TMEM243: variants seen among roughly 807,000 people sequenced by gnomAD.
TMEM243 encodes transmembrane protein 243, also known as MDR1 and mitochondrial taxol resistance associated.
In TMEM243, 20 loss-of-function variants were observed where a neutral mutation model predicts 15.0. That is an observed-to-expected ratio of 1.33 (90% CI 0.94 to 1.93). The LOEUF (loss-of-function observed/expected upper bound fraction) is 1.93, where lower values mean the gene tolerates loss of function less well. Among genes scored for constraint, TMEM243 ranks in the 30% most tolerant of loss-of-function variants. The probability of loss-of-function intolerance (pLI) is 0.00; values close to 1 mark genes in which losing one functional copy is unlikely to be tolerated. For synonymous variants in TMEM243, 72 were observed against 52.7 expected, an observed-to-expected ratio of 1.37 and a Z score of -1.59; for missense variants, 156 against 142.1, an observed-to-expected ratio of 1.10 and a Z score of -0.50.
intron 1 of TMEM243, among the ~76,000 whole-genome samples, chr7:87,218,870 CTAGAATAACGTATGGTAGCCTGTTCAGGT>C (rs894458187): frequency 3.9e-5 from 6 of 152,136 alleles, no homozygotes; most frequent in Admixed American, 2.0e-4. Context: ...ATTTTAAAGC[CTAGAATAACGTATGGTAGCCTGTTCAGGT>C]TCAGGGACCC....
At chr7:87,209,866 GC>G (rs1802605603) in intron 1 of TMEM243, among the ~76,000 whole-genome samples, 1 of 143,728 alleles carries the variant, frequency 7.0e-6, no homozygotes, top group Non-Finnish European at 1.5e-5. Context: ...GAGAGAGAGA[GC>G]AAGAGACAGT....
At chr7:87,210,352 C>G (rs1802656376) in intron 1 of TMEM243, among the ~76,000 whole-genome samples, 1 of 152,152 alleles carries the variant, frequency 6.6e-6, no homozygotes, top group African/African-American at 2.4e-5. Context: ...CATGCCTTCC[C>G]AACAGTCCCC....
At position 87,196,622 on chromosome 7, in the gene TMEM243, TCTC is replaced by T. The variant is rs571553600; in HGVS notation, c.*11_*13del. 37 of 1,607,260 alleles carry T rather than the reference TCTC, an allele frequency of 2.3e-5. No individual in the cohort carries two copies. In the East Asian group the frequency reaches 3.6e-4, roughly 16 times the overall value. On this transcript the variant is annotated 3_prime_UTR_variant, in exon 4 of 4. Transcript: ENST00000257637. ...ATTTTGAAGAGTCCTGGTAAGTACT[TCTC>T]CTTGGCAGCCTCACCTTCCCACATC...
At chr7:87,220,025 G>T (rs780309910), upstream of TMEM243, among the ~76,000 whole-genome samples, 50 of 152,220 alleles carry the variant, frequency 3.3e-4, no homozygotes, top group Non-Finnish European at 4.9e-4. Flanking sequence ...AGTTTTCTTG[G>T]AAGAACGCAT....
Position 87,198,896 on chromosome 7 carries a change from GT to G in TMEM243, c.129+110del. The G allele has an allele frequency of 1.3e-5, 12 of 945,238 alleles. No individual in the cohort carries two copies. The South Asian group carries it at 2.1e-4, about 16-fold the overall frequency. The allele number at this position is 945,238 out of a possible 1,614,324, so 58.6% of individuals were successfully genotyped here. ...TCCAATTAGCAACTGCAATTTTGTG[GT>G]AATAAAATTAAAAGCACTTATTTAG... On this transcript the variant is annotated intron_variant, in intron 2 of 3. Coordinates refer to ENST00000257637, the MANE Select transcript of TMEM243 (RefSeq NM_024315.4).
chr7:87,201,210 A>G (rs934316722), intron 1 of TMEM243, among the ~76,000 whole-genome samples: 1 of 152,220 alleles, frequency 6.6e-6, no homozygotes, highest in African/African-American at 2.4e-5. Context: ...AAGGCCTTCT[A>G]TCAACCATGA....
rs184816375 is a variant in TMEM243 at position 87,205,967 on chromosome 7, G to A, written c.79-6910C>T. Among the ~76,000 whole-genome samples the A allele has an allele frequency of 4.1e-3, 627 of 152,234 alleles. 11 individuals are homozygous for A. Among genetic ancestry groups the A allele is most frequent in the Non-Finnish European group, 1.0e-3 (71 of 68,024 alleles). ...ACACTGCTGATAAAGACATACCTGAGACTGGGTAATTTATAAAGAAAAAGA... is the reference window on the plus strand; with the variant it reads ...ACACTGCTGATAAAGACATACCTGAAACTGGGTAATTTATAAAGAAAAAGA... On this transcript the variant is annotated intron_variant, in intron 1 of 3. Transcript: ENST00000257637.
At chr7:87,219,261 G>A (rs981822880) in intron 1 of TMEM243, among the ~76,000 whole-genome samples, 165 bp downstream of exon 1, 1 of 152,164 alleles carries the variant, frequency 6.6e-6, no homozygotes, top group Non-Finnish European at 1.5e-5. Context: ...CAAAGCAGGC[G>A]ACGATTGGCC....
chr7:87,213,471 A>C (rs1802899509), intron 1 of TMEM243, among the ~76,000 whole-genome samples: 1 of 152,242 alleles, frequency 6.6e-6, no homozygotes, highest in Non-Finnish European at 1.5e-5. Context: ...CTCTATCTAG[A>C]GGAAATAAAC....
At chr7:87,218,323 C>G (rs563119708) in intron 1 of TMEM243, among the ~76,000 whole-genome samples, 3 of 152,162 alleles carry the variant, frequency 2.0e-5, no homozygotes, top group Non-Finnish European at 4.4e-5. Flanking sequence ...TCCTGGAGAT[C>G]GAGTTTAAAA....
chr7:87,217,630 G>A (rs1040170307), intron 1 of TMEM243, among the ~76,000 whole-genome samples: 2 of 152,128 alleles, frequency 1.3e-5, no homozygotes, highest in Non-Finnish European at 2.9e-5. Flanking sequence ...CTTCACAGAG[G>A]GAGCTAAAGG....
chr7:87,218,881 TATGGTAGCCTGTTCAGGTTC>T (rs1803290574), intron 1 of TMEM243, among the ~76,000 whole-genome samples: 1 of 152,138 alleles, frequency 6.6e-6, no homozygotes, highest in Non-Finnish European at 1.5e-5. Context: ...TAGAATAACG[TATGGTAGCCTGTTCAGGTTC>T]AGGGACCCCT....
chr7:87,212,298 A>G (rs1802809901), intron 1 of TMEM243, among the ~76,000 whole-genome samples: 1 of 152,162 alleles, frequency 6.6e-6, no homozygotes, highest in Non-Finnish European at 1.5e-5. Context: ...CCTGGCCCCA[A>G]TTTCTATGGC....
chr7:87,197,740 C>G, intron 3 of TMEM243: 46 of 366,218 alleles, frequency 1.3e-4, no homozygotes, highest in Admixed American at 2.0e-4. Flanking sequence ...AGTGGAATTT[C>G]TCTTTGGGGT....
chr7:87,211,238 T>C (rs911349909), intron 1 of TMEM243, among the ~76,000 whole-genome samples: 19 of 152,208 alleles, frequency 1.2e-4, no homozygotes, highest in Non-Finnish European at 1.3e-4. Context: ...CCAGGCACTT[T>C]GTTCTTCCTT....
In TMEM243 at chr7:87,196,544, A is replaced by C; in HGVS notation, c.*92T>G. On this transcript the variant is annotated 3_prime_UTR_variant, in exon 4 of 4. Coordinates refer to ENST00000257637, the MANE Select transcript of TMEM243 (RefSeq NM_024315.4). ...TGAAAATCATGTATCAGACTTCTGC[A>C]GGAGATTCTTCAGCATACCTTATCC... 2 of 1,234,268 alleles carry C rather than the reference A, an allele frequency of 1.6e-6. No homozygotes were observed. Among genetic ancestry groups the C allele is most frequent in the Non-Finnish European group, 2.3e-6 (2 of 878,138 alleles). The allele number at this position is 1,234,268 out of a possible 1,614,324, so 76.5% of individuals were successfully genotyped here.
At chr7:87,219,328 G>A in intron 1 of TMEM243, 98 bp downstream of exon 1, 1 of 1,152,062 alleles carries the variant, frequency 8.7e-7, no homozygotes, top group Non-Finnish European at 1.3e-6. Flanking sequence ...CCCTAAAAGT[G>A]CTTTTAGGAG....
At chr7:87,204,314 T>C (rs897162147) in intron 1 of TMEM243, among the ~76,000 whole-genome samples, 1 of 152,126 alleles carries the variant, frequency 6.6e-6, no homozygotes, top group East Asian at 1.9e-4. Flanking sequence ...CACAATTTCA[T>C]CCCTGGCCCC....
chr7:87,219,653 G>C lies in TMEM243; in HGVS notation c.-150C>G. 1 of 669,266 alleles carries C rather than the reference G, an allele frequency of 1.5e-6. No individual in the cohort carries two copies. Among genetic ancestry groups the C allele is most frequent in the South Asian group, 1.8e-5 (1 of 54,596 alleles). The allele number at this position is 669,266 out of a possible 1,614,324, so 41.5% of individuals were successfully genotyped here. On this transcript the variant is annotated 5_prime_UTR_variant, in exon 1 of 4. Coordinates refer to ENST00000257637, the MANE Select transcript of TMEM243 (RefSeq NM_024315.4). ...GGAAGCGCTGGCGCCAGGGATGGGT[G>C]GGGGCTCACACGCGGGGAACGCGAC...
Sources: gnomAD v4.1 joint callset for allele counts (sites outside exome capture counted in the v4.1 genomes callset) on GRCh38, gnomAD v4.1.1 for gene constraint, MANE v1.5 for transcripts, NCBI Gene and HGNC (gene_info 2026-07-23, HGNC 2026-07-21) for gene names.